Variants in KIZ observed in about 807,000 individuals in gnomAD.
The protein encoded by KIZ is centrosomal protein kizuna.
In KIZ, 68 loss-of-function variants were observed where a neutral mutation model predicts 79.6. That is an observed-to-expected ratio of 0.85 (90% confidence interval 0.70 to 1.05). The LOEUF is 1.05. Among genes scored for constraint, KIZ ranks in the 50% least tolerant of loss-of-function variants. The probability of loss-of-function intolerance (pLI) is 0.00; values close to 1 mark genes in which losing one functional copy is unlikely to be tolerated. For synonymous variants in KIZ, 280 were observed against 281.8 expected (o/e 0.99, Z 0.06); for missense variants, 797 against 800.4 (o/e 1.00, Z 0.05).
intron 10 of KIZ, among the ~76,000 whole-genome samples, chr20:21,231,847 G>T (rs1385271342): frequency 1.3e-5 from 2 of 152,146 alleles, no homozygotes; most frequent in Non-Finnish European, 2.9e-5. Flanking sequence ...TGAGTCTTTG[G>T]ACCTGAAGGA....
chr20:21,166,738 G>T (rs965704099), intron 6 of KIZ: 2 of 607,796 alleles, frequency 3.3e-6, no homozygotes, highest in South Asian at 4.1e-5. Context: ...GATTACAAGC[G>T]TGAGCCACCG....
chr20:21,144,291 T>C (rs2032731660), intron 3 of KIZ: 1 of 152,172 alleles, frequency 6.6e-6, no homozygotes, highest in Non-Finnish European at 1.5e-5. Context: ...GAAAAAAGAA[T>C]TTTTATTTAA....
At chr20:21,215,317 G>A (rs2036240733) in intron 8 of KIZ, among the ~76,000 whole-genome samples, 1 of 152,170 alleles carries the variant, frequency 6.6e-6, no homozygotes, top group South Asian at 2.1e-4. Context: ...CTTATTTTAT[G>A]TCCCACCTAA....
intron 6 of KIZ, among the ~76,000 whole-genome samples, chr20:21,187,925 G>A (rs1458240882): frequency 6.6e-6 from 1 of 152,140 alleles, no homozygotes; most frequent in Non-Finnish European, 1.5e-5. Flanking sequence ...ATGATAATAA[G>A]ACATTTACCC....
At chr20:21,219,926 C>G (rs1354467362) in intron 9 of KIZ, among the ~76,000 whole-genome samples, 1 of 152,058 alleles carries the variant, frequency 6.6e-6, no homozygotes, top group Admixed American at 6.6e-5. Flanking sequence ...ACACTGATGC[C>G]CCACCCACAA....
chr20:21,231,482 G>C (rs2036830689), intron 10 of KIZ, among the ~76,000 whole-genome samples: 1 of 152,148 alleles, frequency 6.6e-6, no homozygotes, highest in Non-Finnish European at 1.5e-5. Flanking sequence ...AGGTTGTGTA[G>C]TCAAGCACCC....
intron 1 of KIZ, among the ~76,000 whole-genome samples, chr20:21,131,057 A>G (rs544608181): frequency 3.1e-3 from 476 of 152,310 alleles, no homozygotes; most frequent in African/African-American, 7.0e-3. Flanking sequence ...TTAGATGAGC[A>G]ATTTAGCTTC....
intron 10 of KIZ, among the ~76,000 whole-genome samples, chr20:21,232,376 C>T (rs1344344800): frequency 6.6e-6 from 1 of 152,044 alleles, no homozygotes; most frequent in Non-Finnish European, 1.5e-5. Context: ...ATTTCTGAGC[C>T]CTGGTTTGCT....
intron 12 of KIZ, 34 bp downstream of exon 12, chr20:21,244,322 T>C: frequency 6.6e-7 from 1 of 1,511,998 alleles, no homozygotes; most frequent in Non-Finnish European, 9.2e-7. Flanking sequence ...GATTTTCTTT[T>C]TCTGTTTTAA....
intron 6 of KIZ, chr20:21,196,445 C>G (rs570956662): frequency 1.3e-5 from 2 of 152,266 alleles, no homozygotes; most frequent in African/African-American, 4.8e-5. Flanking sequence ...TACCTCTCAC[C>G]GTTGATTACA....
intron 6 of KIZ, among the ~76,000 whole-genome samples, chr20:21,171,101 AT>A (rs2034187205): frequency 6.6e-6 from 1 of 152,188 alleles, no homozygotes; most frequent in Non-Finnish European, 1.5e-5. Context: ...AGCATTTGGT[AT>A]TGTCATTTTA....
At position 21,141,715 on chromosome 20, in the gene KIZ, A is replaced by G. The variant is rs1463124914; in HGVS notation, c.316-3850A>G. 2.0e-5 allele frequency among the ~76,000 whole-genome samples: 3 copies of G among 151,620 alleles called. 1 individual carries two copies. The highest frequency in any genetic ancestry group is 7.3e-5 in the African/African-American group (3 of 41,168). On this transcript the variant is annotated intron_variant, in intron 3 of 12. Coordinates refer to ENST00000619189, the MANE Select transcript of KIZ (RefSeq NM_018474.6). Reference sequence around the variant, plus strand: ...CTGGTTAGGTCTCTCCTTGGCCTGAAATGCTGGCCCAGGCTTTTGAGGACA... The same window carrying G: ...CTGGTTAGGTCTCTCCTTGGCCTGAGATGCTGGCCCAGGCTTTTGAGGACA...
At chr20:21,153,705 A>G (rs2033232345) in intron 4 of KIZ, among the ~76,000 whole-genome samples, 1 of 152,190 alleles carries the variant, frequency 6.6e-6, no homozygotes, top group South Asian at 2.1e-4. Flanking sequence ...AGGTGCCAAC[A>G]GGGTCGCTTT....
At chr20:21,133,285 C>T (rs1477272550) in intron 2 of KIZ, 1 of 152,202 alleles carries the variant, frequency 6.6e-6, no homozygotes, top group Non-Finnish European at 1.5e-5. Flanking sequence ...GGTAGACAGC[C>T]GTATGACTCT....
chr20:21,133,952 A>G (rs1299165659), intron 2 of KIZ, among the ~76,000 whole-genome samples: 2 of 152,232 alleles, frequency 1.3e-5, no homozygotes, highest in Admixed American at 1.3e-4. Context: ...TGGTAAGGGC[A>G]GCCCCAGGTG....
intron 11 of KIZ, among the ~76,000 whole-genome samples, chr20:21,242,176 C>G (rs2037240299): frequency 6.6e-6 from 1 of 152,122 alleles, no homozygotes. Context: ...CAGTTGGCTG[C>G]ACAAGTGGAT....
intron 4 of KIZ, among the ~76,000 whole-genome samples, chr20:21,157,130 A>C (rs1294762440): frequency 1.3e-5 from 2 of 152,120 alleles, no homozygotes; most frequent in Non-Finnish European, 2.9e-5. Flanking sequence ...TCAAAATAAA[A>C]AGTTACTGGT....
At chr20:21,142,055 T>C (rs1397491411) in intron 3 of KIZ, among the ~76,000 whole-genome samples, 3 of 151,150 alleles carry the variant, frequency 2.0e-5, no homozygotes, top group Admixed American at 1.3e-4. Context: ...ATCTTCCCAC[T>C]GTCTCTCTAC....
intron 5 of KIZ, 157 bp downstream of exon 5, chr20:21,162,664 T>G: frequency 3.8e-6 from 3 of 779,574 alleles, no homozygotes; most frequent in Non-Finnish European, 6.0e-6. Context: ...GGAGTGAATT[T>G]GCTGATTTTT....
Sources: allele counts gnomAD v4.1 joint callset (sites outside exome capture counted in the v4.1 genomes callset), GRCh38; gene constraint gnomAD v4.1.1; transcripts MANE v1.5; gene names NCBI Gene and HGNC (gene_info 2026-07-23, HGNC 2026-07-21).